The following MUC4 variants were observed in gnomAD, a reference collection of about 807,000 sequenced individuals.
MUC4 encodes the protein mucin 4, cell surface associated, also known as mucin-4.
In MUC4, 202 loss-of-function variants were observed where a neutral mutation model predicts 257.9. The observed-to-expected ratio is 0.78, with a 90% CI of 0.70 to 0.88. The LOEUF (loss-of-function observed/expected upper bound fraction) is 0.88. Among genes scored for constraint, MUC4 ranks in the 40% least tolerant of loss-of-function variants. The pLI, the probability that MUC4 is intolerant of heterozygous loss-of-function variation, is 0.00. For missense variants in MUC4, 5,976 were observed against 6,513.7 expected, an observed-to-expected ratio of 0.92 and a Z score of 2.84; for synonymous variants, 2,351 against 2,757.1, an observed-to-expected ratio of 0.85 and a Z score of 4.62.
At position 195,747,324 on chromosome 3, in the gene MUC4, A is replaced by G. The variant is rs1282118486; in HGVS notation, c.16091T>C (p.Met5364Thr). ...GATGCCGAAGAACGCGTCGAGTTTC[A>G]TGCTCAGGTGCTCACAGTGCTCGCC... is the stretch of plus-strand genomic sequence containing the variant. ...AWGEHCEHLSMKLDAFFGIFF... is the reference protein window; with the variant it reads ...AWGEHCEHLSTKLDAFFGIFF... The change falls in exon 25 of 25, where the codon ATG becomes ACG. Residue 5364 changes from methionine to threonine, a missense_variant. Met to Thr is a moderately conservative substitution (Grantham distance 81). Coordinates refer to ENST00000463781, the MANE Select transcript of MUC4 (RefSeq NM_018406.7). The G allele has an allele frequency of 6.2e-7, 1 of 1,614,110 alleles. No homozygotes were observed. Among genetic ancestry groups the G allele is most frequent in the Non-Finnish European group, 8.5e-7 (1 of 1,179,922 alleles).
intron 1 of MUC4, among the ~76,000 whole-genome samples, chr3:195,793,042 T>G (rs1030406757): frequency 6.6e-6 from 1 of 152,054 alleles, no homozygotes; most frequent in Non-Finnish European, 1.5e-5. Context: ...AGGTGATGGG[T>G]TGATAGGTGC....
intron 16 of MUC4, among the ~76,000 whole-genome samples, chr3:195,760,325 G>A (rs1718505691): frequency 6.6e-6 from 1 of 152,208 alleles, no homozygotes; most frequent in Non-Finnish European, 1.5e-5. Context: ...TAAAGAAGGT[G>A]AGGGGCAAGC....
intron 16 of MUC4, among the ~76,000 whole-genome samples, chr3:195,760,301 T>C (rs1718500440): frequency 1.3e-5 from 2 of 152,124 alleles, no homozygotes. Context: ...GGAGGGGACA[T>C]TGGAATGAAG....
chr3:195,793,410 G>C (rs190379572), intron 1 of MUC4, among the ~76,000 whole-genome samples: 132 of 152,130 alleles, frequency 8.7e-4, no homozygotes, highest in Middle Eastern at 6.8e-3. Flanking sequence ...GCTGAGGCAG[G>C]AGAATTGCTT....
At chr3:195,767,920 T>TCACCACCACCACC (rs1721908650) in intron 7 of MUC4, among the ~76,000 whole-genome samples, 3 of 43,114 alleles carry the variant, frequency 7.0e-5, no homozygotes, top group African/African-American at 3.5e-4. Flanking sequence ...CCATCGCCAC[T>TCACCACCACCACC]GCCACCTCCA....
intron 18 of MUC4, among the ~76,000 whole-genome samples, chr3:195,754,865 G>A (rs1337618884): frequency 3.8e-5 from 5 of 132,438 alleles, no homozygotes; most frequent in African/African-American, 1.3e-4. Context: ...ATGTAGATAT[G>A]TATCAATGTA....
At chr3:195,770,145 GGCCCCT>G (rs1560270848) in intron 6 of MUC4, 65 bp downstream of exon 6, 1 of 1,393,784 alleles carries the variant, frequency 7.2e-7, no homozygotes, top group African/African-American at 1.5e-5. Flanking sequence ...TTGGAAGAGT[GGCCCCT>G]GCCTAGGATT....
rs779687374 is a variant in MUC4 at position 195,765,094 on chromosome 3, C to T, written c.13827G>A (p.Leu4609=). Residue 4609 remains leucine, a synonymous_variant, in exon 10 of 25, where the codon CTG becomes CTA. Transcript: ENST00000463781. ...IGRWGLGSRQ[L]CSFTSWRGGV... ...CTCCTCGCCAAGAGGTGAAGCTGCA[C>T]AGCTGCCTACTGCCGAGGCCCCAGC... 5 of 1,613,526 alleles carry T rather than the reference C, an allele frequency of 3.1e-6. No individual in the cohort carries two copies. The highest frequency in any genetic ancestry group is 2.7e-5 in the African/African-American group (2 of 74,934).
chr3:195,804,287 C>CT (rs1455117473), intron 1 of MUC4, among the ~76,000 whole-genome samples: 1 of 152,252 alleles, frequency 6.6e-6, no homozygotes, highest in East Asian at 1.9e-4. Context: ...TGCCTCACGT[C>CT]TGTTAGGGCT....
intron 10 of MUC4, 111 bp from the exon 11 acceptor site, chr3:195,764,275 TGGC>T (rs1719913737): frequency 7.9e-7 from 1 of 1,272,722 alleles, no homozygotes; most frequent in East Asian, 2.6e-5. Flanking sequence ...GTGGAGAGCT[TGGC>T]AGGGCAGGGC....
At chr3:195,804,107 C>A (rs1052003736) in intron 1 of MUC4, among the ~76,000 whole-genome samples, 2 of 152,200 alleles carry the variant, frequency 1.3e-5, no homozygotes, top group Non-Finnish European at 2.9e-5. Context: ...GGAAGAGTCT[C>A]CATCCAGGGA....
Position 195,781,195 on chromosome 3 carries a change from G to T in MUC4, c.10385C>A (p.Thr3462Asn), listed in dbSNP as rs548268702. ...GHTTPLPVTDTSSASTGDTTP... is the reference protein window; with the variant it reads ...GHTTPLPVTDNSSASTGDTTP... ...GGTGTCACCTGTGGATGCTGAGGAA[G>T]TGTCGGTGACAGGAAGAGGGGTGGT... The change falls in exon 2 of 25, where the codon ACT becomes AAT. Residue 3462 changes from threonine to asparagine, a missense_variant. Coordinates refer to ENST00000463781, the MANE Select transcript of MUC4 (RefSeq NM_018406.7). 11 of 1,390,110 alleles carry T rather than the reference G, an allele frequency of 7.9e-6. 2 individuals carry two copies. The highest frequency in any genetic ancestry group is 2.8e-5 in the East Asian group (1 of 35,634). 86.1% of individuals were successfully genotyped at this position (1,390,110 alleles called of 1,614,324 possible).
At chr3:195,766,280 T>G (rs1297404942) in intron 8 of MUC4, among the ~76,000 whole-genome samples, 1 of 152,008 alleles carries the variant, frequency 6.6e-6, no homozygotes, top group African/African-American at 2.4e-5. Context: ...TCTTAAAGGA[T>G]CTCACCTGGG....
rs199822551 is a variant in MUC4, at chr3:195,780,191, C to G, written c.11389G>C (p.Asp3797His). The change falls in exon 2 of 25, where the codon GAC becomes CAC. Residue 3797 changes from aspartate to histidine, a missense_variant. This residue lies in a region of MUC4 where 330 missense variants were observed against 262.0 expected (regional missense o/e 1.26). Transcript: ENST00000463781. ...TGACCTGTGGATGCTGAGGAAGTGTCGGTGACAGGAAGAGGGGTGGTGTCA... is the reference window on the plus strand; with the variant it reads ...TGACCTGTGGATGCTGAGGAAGTGTGGGTGACAGGAAGAGGGGTGGTGTCA... Reference protein sequence around the residue: ...TGDTTPLPVTDTSSASTGQAT... With the variant: ...TGDTTPLPVTHTSSASTGQAT... The G allele has an allele frequency of 8.1e-7, 1 of 1,239,662 alleles. No homozygotes were observed. Among genetic ancestry groups the G allele is most frequent in the East Asian group, 3.9e-5 (1 of 25,524 alleles). The allele number at this position is 1,239,662 out of a possible 1,614,324, so 76.8% of individuals were successfully genotyped here.
In MUC4 at chr3:195,786,153, A is replaced by T. The variant is rs1449765907; in HGVS notation, c.5427T>A (p.Leu1809=). ...SSASTGQAIP[L]PVTSPSSAST... Reference sequence around the variant, plus strand: ...ATGCTGAGGAAGGGCTGGTGACAGGAAGAGGGATGGCCTGACCTGTGGATG... The same window carrying T: ...ATGCTGAGGAAGGGCTGGTGACAGGTAGAGGGATGGCCTGACCTGTGGATG... The change falls in exon 2 of 25, where the codon CTT becomes CTA. Residue 1809 remains leucine (L), a synonymous_variant. Transcript: ENST00000463781. 6.6e-7 allele frequency: 1 copy of T among 1,525,020 alleles called. No homozygotes were observed. The highest frequency in any genetic ancestry group is 8.8e-7 in the Non-Finnish European group (1 of 1,138,010). The allele number at this position is 1,525,020 out of a possible 1,614,324, so 94.5% of individuals were successfully genotyped here.
In MUC4 at chr3:195,755,907, GT is replaced by G. The variant is rs1421912329; in HGVS notation, c.15168+1239del. ...CGTGTGTGTGTAAGTGGTGAAGGAG[GT>G]AGTTTTGTGTTGCCAGATAAACACT... On this transcript the variant is annotated intron_variant, in intron 18 of 24. Transcript: ENST00000463781. The surrounding 1 kb of genome is among the most constrained non-coding windows in gnomAD (Gnocchi z 5.0). 6.6e-6 allele frequency among the ~76,000 whole-genome samples: 1 copy of G among 152,010 alleles called. No individual in the cohort carries two copies. The highest frequency in any genetic ancestry group is 2.4e-5 in the African/African-American group (1 of 41,380).
In MUC4 at chr3:195,810,039, C is replaced by T. The variant is rs1345042398; in HGVS notation, c.82+1697G>A. 3.3e-5 allele frequency: 5 copies of T among 150,572 alleles called. No homozygotes were observed. The highest frequency in any genetic ancestry group is 2.0e-4 in the East Asian group (1 of 4,924). The allele number at this position is 150,572 out of a possible 1,614,324, so 9.3% of individuals were successfully genotyped here. A position where few individuals can be genotyped will look rare whatever the true frequency, so the allele number is the denominator to read the frequency against. ...TTCAACCACATCTGCAGGGCAGGGCCGTGTGGCGGCTCCTTCCGGCCTCCA... is the reference window on the plus strand; with the variant it reads ...TTCAACCACATCTGCAGGGCAGGGCTGTGTGGCGGCTCCTTCCGGCCTCCA... On this transcript the variant is annotated intron_variant, in intron 1 of 24. Transcript: ENST00000463781. The surrounding 1 kb of genome is among the most constrained non-coding windows in gnomAD (Gnocchi z 4.2).
Position 195,747,155 on chromosome 3 carries a change from G to C in MUC4, c.*21C>G. The C allele has an allele frequency of 6.2e-7, 1 of 1,614,080 alleles. No homozygotes were observed. The highest frequency in any genetic ancestry group is 1.1e-5 in the South Asian group (1 of 91,082). ...TAAGGATGAGGTGAGTCTTGAGGTA[G>C]CCTAGGCCACAGCTGCCCCTTCAAG... On this transcript the variant is annotated 3_prime_UTR_variant, in exon 25 of 25. Coordinates refer to ENST00000463781, the MANE Select transcript of MUC4 (RefSeq NM_018406.7).
intron 6 of MUC4, 44 bp downstream of exon 6, chr3:195,770,172 T>C (rs1362469149): frequency 1.3e-6 from 2 of 1,495,152 alleles, no homozygotes; most frequent in African/African-American, 2.9e-5. Flanking sequence ...CTAGGATGTC[T>C]GACTCCCAGA....
Sources: allele counts gnomAD v4.1 joint callset (sites outside exome capture counted in the v4.1 genomes callset), GRCh38; gene constraint gnomAD v4.1.1; regional missense constraint gnomAD v4.1.1; non-coding constraint Gnocchi (gnomAD v3.1); transcripts MANE v1.5; gene names NCBI Gene and HGNC (gene_info 2026-07-23, HGNC 2026-07-21).